TFB1M: variants seen among roughly 807,000 people sequenced by gnomAD.
The protein encoded by TFB1M is transcription factor B1, mitochondrial, also known as dimethyladenosine transferase 1, mitochondrial.
Under a neutral mutation model 31.1 loss-of-function variants are expected in TFB1M, and 27 were observed. That is an observed-to-expected ratio of 0.87 (90% CI 0.64 to 1.20). TFB1M has a LOEUF of 1.20. TFB1M is among the 50% of genes most tolerant of loss of function. The probability of loss-of-function intolerance (pLI) is 0.00; values close to 1 mark genes in which losing one functional copy is unlikely to be tolerated. For synonymous variants in TFB1M, 166 were observed against 151.8 expected (o/e 1.09, Z -0.69); for missense variants, 394 against 418.7 (o/e 0.94, Z 0.51).
rs1472344405 is a variant in TFB1M at position 155,256,243 on chromosome 6, C to A, written c.*1593G>T. 12 of 611,166 alleles carry A rather than the reference C, an allele frequency of 2.0e-5. No individual in the cohort carries two copies. The East Asian group carries it at 3.0e-4, about 15-fold the overall frequency. The allele number at this position is 611,166 out of a possible 1,614,324, so 37.9% of individuals were successfully genotyped here. On this transcript the variant is annotated 3_prime_UTR_variant, in exon 7 of 7. Transcript: ENST00000367166. ...AGTTTCTAGTGTCTAGTTCTATTTA[C>A]ATAATTGAGCTCTGGTAATCTAAAA... is the stretch of plus-strand genomic sequence containing the variant.
intron 5 of TFB1M, among the ~76,000 whole-genome samples, chr6:155,262,218 TG>T (rs1784425300): frequency 6.6e-6 from 1 of 152,132 alleles, no homozygotes; most frequent in South Asian, 2.1e-4. Flanking sequence ...AGGGCAGTTC[TG>T]GGGAAGGAAA....
intron 2 of TFB1M, among the ~76,000 whole-genome samples, chr6:155,305,022 C>T (rs1296925817): frequency 2.7e-5 from 4 of 146,444 alleles, no homozygotes; most frequent in African/African-American, 1.0e-4. Flanking sequence ...CCTTACCTCA[C>T]ACTATATGCA....
downstream of TFB1M, chr6:155,252,909 C>G: frequency 6.4e-7 from 1 of 1,563,842 alleles, no homozygotes; most frequent in South Asian, 1.1e-5. Flanking sequence ...TCAGTGACAG[C>G]TTCCCTAACA....
chr6:155,313,920 C>T (rs1778127578), intron 1 of TFB1M, among the ~76,000 whole-genome samples: 1 of 152,248 alleles, frequency 6.6e-6, no homozygotes, highest in South Asian at 2.1e-4. Context: ...TAACTTTAAA[C>T]TGCATGTAAA....
At chr6:155,286,547 A>ATG (rs1776652205) in intron 4 of TFB1M, among the ~76,000 whole-genome samples, 2 of 147,622 alleles carry the variant, frequency 1.4e-5, no homozygotes, top group Admixed American at 6.8e-5. Context: ...ATGTGTATAT[A>ATG]TGTGTGTATA....
At chr6:155,234,838 T>A in the TFB1M span, among the ~76,000 whole-genome samples, 1 of 152,226 alleles carries the variant, frequency 6.6e-6, no homozygotes, top group African/African-American at 2.4e-5. Flanking sequence ...GCTGCATCCC[T>A]AGAACACCTG....
chr6:155,266,985 TTTGAGACAGAGTCTCACTCTA>T (rs1409301558), intron 5 of TFB1M, among the ~76,000 whole-genome samples: 1 of 150,602 alleles, frequency 6.6e-6, no homozygotes, highest in African/African-American at 2.4e-5. Flanking sequence ...TTTTTTTTTT[TTTGAGACAGAGTCTCACTCTA>T]TCGCCCAGGC....
At chr6:155,243,846 C>CAAAAAAAAAAAAAAAAAAAA in the TFB1M span, among the ~76,000 whole-genome samples, 2 of 55,050 alleles carry the variant, frequency 3.6e-5, no homozygotes, top group African/African-American at 1.6e-4. Flanking sequence ...GACTCCGTCT[C>CAAAAAAAAAAAAAAAAAAAA]AAAAAAAAAA....
chr6:155,236,997 A>C, the TFB1M span, among the ~76,000 whole-genome samples: 1 of 152,156 alleles, frequency 6.6e-6, no homozygotes, highest in Non-Finnish European at 1.5e-5. Context: ...CAAAGTCTCA[A>C]CTCATTTCAG....
At chr6:155,249,812 A>G in the TFB1M span, 32 of 1,544,046 alleles carry the variant, frequency 2.1e-5, no homozygotes, top group South Asian at 2.1e-4. Context: ...TCTAAAACAA[A>G]TAACAGTTAT....
intron 2 of TFB1M, among the ~76,000 whole-genome samples, chr6:155,305,606 T>TATATTTATATATAA (rs1562425850): frequency 8.6e-5 from 1 of 11,670 alleles, no homozygotes; most frequent in Non-Finnish European, 1.3e-4. Flanking sequence ...TATATAAATA[T>TATATTTATATATAA]ATATATATTA....
At chr6:155,281,918 G>A (rs896707073) in intron 5 of TFB1M, among the ~76,000 whole-genome samples, 6 of 151,854 alleles carry the variant, frequency 4.0e-5, no homozygotes, top group Admixed American at 6.6e-5. Flanking sequence ...ATTAAGCGTG[G>A]AACCCCAGAA....
the TFB1M span, among the ~76,000 whole-genome samples, chr6:155,243,072 C>T: frequency 1.1e-4 from 16 of 151,928 alleles, no homozygotes; most frequent in African/African-American, 3.9e-4. Context: ...CAAAATCTTT[C>T]GCTCATGGGT....
chr6:155,254,594 G>C, downstream of TFB1M: 4 of 1,604,260 alleles, frequency 2.5e-6, no homozygotes, highest in Non-Finnish European at 3.4e-6. Flanking sequence ...TGCTAGCCTT[G>C]TGTTTATTCA....
In TFB1M at chr6:155,256,501, A is replaced by G. The variant is rs1230086903; in HGVS notation, c.*1335T>C. The G allele has an allele frequency of 1.9e-6, 3 of 1,614,098 alleles. No homozygotes were observed. Among genetic ancestry groups the G allele is most frequent in the Non-Finnish European group, 2.5e-6 (3 of 1,180,056 alleles). ...CACTGTAGCTTCATCCAGGTCTTTA[A>G]AAGTCCTGAAGAATTCCTCCAGCAA... is the stretch of plus-strand genomic sequence containing the variant. On this transcript the variant is annotated 3_prime_UTR_variant, in exon 7 of 7. Transcript: ENST00000367166.
the TFB1M span, among the ~76,000 whole-genome samples, chr6:155,242,919 T>C: frequency 1.3e-5 from 2 of 151,836 alleles, no homozygotes; most frequent in African/African-American, 4.8e-5. Flanking sequence ...TTTTTCTTTT[T>C]TTTAGTAGAA....
the TFB1M span, among the ~76,000 whole-genome samples, chr6:155,247,529 T>C: frequency 6.6e-6 from 1 of 152,154 alleles, no homozygotes; most frequent in Non-Finnish European, 1.5e-5. Context: ...GGTTTCACCA[T>C]GTTGGCCAGG....
chr6:155,289,064 G>T (rs1562410153), intron 4 of TFB1M, among the ~76,000 whole-genome samples: 2 of 150,080 alleles, frequency 1.3e-5, no homozygotes, highest in East Asian at 1.9e-4. Context: ...AAGGACAGTG[G>T]TTTTTTTTTT....
At chr6:155,271,443 A>G (rs773240288) in intron 5 of TFB1M, among the ~76,000 whole-genome samples, 3 of 152,342 alleles carry the variant, frequency 2.0e-5, no homozygotes, top group Non-Finnish European at 2.9e-5. Context: ...AGTGGAAGCA[A>G]TAACAAGAAA....
Sources: gnomAD v4.1 joint callset for allele counts (sites outside exome capture counted in the v4.1 genomes callset) on GRCh38, gnomAD v4.1.1 for gene constraint, MANE v1.5 for transcripts, NCBI Gene and HGNC (gene_info 2026-07-23, HGNC 2026-07-21) for gene names.